Variants in ROBO1 observed in about 807,000 individuals in gnomAD.
ROBO1 encodes the protein roundabout guidance receptor 1.
Under a neutral mutation model 195.9 loss-of-function variants are expected in ROBO1, and 149 were observed. The observed-to-expected ratio is 0.76, with a 90% CI of 0.67 to 0.87. The LOEUF (loss-of-function observed/expected upper bound fraction) is 0.87. Among genes scored for constraint, ROBO1 ranks in the 40% least tolerant of loss-of-function variants. The pLI is 0.00. For missense variants in ROBO1, 1,933 were observed against 2,068.3 expected, an observed-to-expected ratio of 0.93 and a Z score of 1.27; for synonymous variants, 816 against 733.2, an observed-to-expected ratio of 1.11 and a Z score of -1.82.
chr3:79,622,540 A>G (rs770302774), intron 1 of ROBO1, among the ~76,000 whole-genome samples: 4 of 152,190 alleles, frequency 2.6e-5, no homozygotes, highest in Admixed American at 6.5e-5. Context: ...CTTGTCCCCC[A>G]ACAGCCCAAC....
chr3:79,479,152 A>G (rs894857998), intron 2 of ROBO1, among the ~76,000 whole-genome samples: 14 of 152,330 alleles, frequency 9.2e-5, no homozygotes, highest in African/African-American at 3.1e-4. Flanking sequence ...TGGAATGTAA[A>G]TCACACTCTG....
intron 1 of ROBO1, among the ~76,000 whole-genome samples, chr3:79,757,487 T>TTCTC (rs368104447): frequency 9.6e-5 from 14 of 145,486 alleles, no homozygotes; most frequent in South Asian, 4.3e-4. Context: ...CTTTCTTTCT[T>TTCTC]TCTCTCTCTC....
intron 2 of ROBO1, among the ~76,000 whole-genome samples, chr3:79,442,772 T>C (rs1027592313): frequency 6.6e-6 from 1 of 152,118 alleles, no homozygotes; most frequent in Non-Finnish European, 1.5e-5. Context: ...AAAGGGAACC[T>C]CCAAGGGAAG....
intron 1 of ROBO1, among the ~76,000 whole-genome samples, chr3:79,719,988 T>C (rs1051883162): frequency 1.3e-5 from 2 of 152,176 alleles, no homozygotes; most frequent in Non-Finnish European, 2.9e-5. Context: ...AGGTTACAAA[T>C]GTGTACTATA....
chr3:78,817,696 T>C (rs1576225783), intron 4 of ROBO1, among the ~76,000 whole-genome samples: 1 of 152,138 alleles, frequency 6.6e-6, no homozygotes, highest in Non-Finnish European at 1.5e-5. Context: ...TTTTTTTGAA[T>C]AAAAAATAAG....
At chr3:79,668,388 G>A (rs1476149339) in intron 1 of ROBO1, among the ~76,000 whole-genome samples, 1 of 143,224 alleles carries the variant, frequency 7.0e-6, no homozygotes, top group Non-Finnish European at 1.5e-5. Flanking sequence ...TTAATATTAA[G>A]TTTCTTGACT....
At chr3:78,902,704 G>A (rs936607111) in intron 4 of ROBO1, among the ~76,000 whole-genome samples, 8 of 152,060 alleles carry the variant, frequency 5.3e-5, no homozygotes, top group Admixed American at 4.6e-4. Flanking sequence ...TTAGATGGGT[G>A]TGGTGGCAGG....
At chr3:79,563,254 CATGA>C (rs1468454365) in intron 2 of ROBO1, among the ~76,000 whole-genome samples, 1 of 151,962 alleles carries the variant, frequency 6.6e-6, no homozygotes, top group African/African-American at 2.4e-5. Flanking sequence ...AAATTGACAC[CATGA>C]ATGAAGTTTC....
chr3:79,208,034 C>T (rs920902064), intron 2 of ROBO1, among the ~76,000 whole-genome samples: 1 of 152,086 alleles, frequency 6.6e-6, no homozygotes, highest in African/African-American at 2.4e-5. Context: ...AATTAAATTA[C>T]CTTGATGTCA....
At chr3:79,575,094 AAACAAATATATATATAT>A (rs1274336098) in intron 2 of ROBO1, among the ~76,000 whole-genome samples, 1 of 141,680 alleles carries the variant, frequency 7.1e-6, no homozygotes, top group Non-Finnish European at 1.5e-5. Flanking sequence ...AAGGAAATGA[AAACAAATATATATATAT>A]AACAAATATA....
intron 1 of ROBO1, among the ~76,000 whole-genome samples, chr3:79,626,138 C>T (rs191361586): frequency 1.4e-4 from 21 of 152,244 alleles, no homozygotes; most frequent in South Asian, 4.1e-4. Flanking sequence ...CGATAAAATT[C>T]AACATCCTTT....
At chr3:79,550,543 A>C (rs1942473347) in intron 2 of ROBO1, among the ~76,000 whole-genome samples, 1 of 152,222 alleles carries the variant, frequency 6.6e-6, no homozygotes, top group African/African-American at 2.4e-5. Flanking sequence ...ACCCAGTAAC[A>C]TGAACAGATT....
chr3:78,793,652 G>A (rs1458160136), intron 4 of ROBO1, among the ~76,000 whole-genome samples: 1 of 152,078 alleles, frequency 6.6e-6, no homozygotes, highest in Non-Finnish European at 1.5e-5. Context: ...GAACCCTAGG[G>A]TACGGACATC....
At position 78,690,898 on chromosome 3, in the gene ROBO1, C is replaced by A. The variant is rs904113142; in HGVS notation, c.1046-2126G>T. ...ATGTTTCTTTTATAAAATGCCAGTTCTCCTCAAACCTCAAAGACTTATTTG... is the reference window on the plus strand; with the variant it reads ...ATGTTTCTTTTATAAAATGCCAGTTATCCTCAAACCTCAAAGACTTATTTG... On this transcript the variant is annotated intron_variant, in intron 8 of 30. Transcript: ENST00000464233. Among the ~76,000 whole-genome samples the A allele has an allele frequency of 2.0e-5, 3 of 152,106 alleles. 1 individual carries two copies. Among genetic ancestry groups the A allele is most frequent in the Non-Finnish European group, 4.4e-5 (3 of 67,976 alleles).
At chr3:79,509,736 A>T (rs1435064818) in intron 2 of ROBO1, among the ~76,000 whole-genome samples, 2 of 152,174 alleles carry the variant, frequency 1.3e-5, no homozygotes, top group Non-Finnish European at 2.9e-5. Context: ...CAGCTTCATG[A>T]ATAATGTCAG....
At chr3:78,735,759 T>C (rs1167894961) in intron 5 of ROBO1, among the ~76,000 whole-genome samples, 6 of 152,168 alleles carry the variant, frequency 3.9e-5, no homozygotes, top group Non-Finnish European at 7.4e-5. Flanking sequence ...GAAAACCCTT[T>C]GTTGTTGAGT....
At chr3:79,212,623 C>A (rs1182463013) in intron 2 of ROBO1, among the ~76,000 whole-genome samples, 1 of 151,992 alleles carries the variant, frequency 6.6e-6, no homozygotes, top group Admixed American at 6.6e-5. Flanking sequence ...AGTTCAAGAC[C>A]AGCCTGGGTA....
intron 3 of ROBO1, among the ~76,000 whole-genome samples, chr3:79,023,291 G>A (rs1386587025): frequency 3.3e-5 from 5 of 152,270 alleles, no homozygotes; most frequent in African/African-American, 1.2e-4. Flanking sequence ...TTAAATTGAT[G>A]AACTGAGAAG....
intron 1 of ROBO1, among the ~76,000 whole-genome samples, chr3:79,682,265 A>G (rs1946972022): frequency 6.6e-6 from 1 of 152,018 alleles, no homozygotes; most frequent in Non-Finnish European, 1.5e-5. Flanking sequence ...GGCATAATTC[A>G]TATACTTTCT....
Sources: allele counts gnomAD v4.1 joint callset (sites outside exome capture counted in the v4.1 genomes callset), GRCh38; gene constraint gnomAD v4.1.1; transcripts MANE v1.5; gene names NCBI Gene and HGNC (gene_info 2026-07-23, HGNC 2026-07-21).